Variants in CRLF2 observed in about 807,000 individuals in gnomAD.
CRLF2 encodes the protein cytokine receptor like factor 2.
A neutral mutation model predicts 38.7 loss-of-function variants in CRLF2; 41 were observed. That is an observed-to-expected ratio of 1.06 (90% CI 0.83 to 1.37). CRLF2 has a LOEUF of 1.37. CRLF2 is among the 40% of genes most tolerant of loss of function. The pLI is 0.00. For missense variants in CRLF2, 377 were observed against 322.2 expected, an observed-to-expected ratio of 1.17 and a Z score of -1.30; for synonymous variants, 140 against 128.8, an observed-to-expected ratio of 1.09 and a Z score of -0.59.
At chrX:1,196,136 C>T (rs1442224185) in intron 6 of CRLF2, among the ~76,000 whole-genome samples, 1 of 148,820 alleles carries the variant, frequency 6.7e-6, no homozygotes, top group Non-Finnish European at 1.5e-5. Flanking sequence ...CTGCCTCGGC[C>T]TCCTAAAGTG....
intron 1 of CRLF2, among the ~76,000 whole-genome samples, chrX:1,209,289 T>G (rs866828222): frequency 1.1e-3 from 113 of 106,840 alleles, no homozygotes; most frequent in Admixed American, 3.6e-3. Flanking sequence ...TTGTATTGCA[T>G]TGTATTGTAG....
intron 4 of CRLF2, 118 bp from the exon 5 acceptor site, chrX:1,198,842 G>C: frequency 9.7e-7 from 1 of 1,027,496 alleles, no homozygotes; most frequent in Non-Finnish European, 1.5e-6. Flanking sequence ...TCACAGTCTC[G>C]CTGACTTCAA....
intron 2 of CRLF2, among the ~76,000 whole-genome samples, chrX:1,208,184 G>A (rs1331274387): frequency 6.6e-6 from 1 of 152,098 alleles, no homozygotes; most frequent in South Asian, 2.1e-4. Flanking sequence ...TTCCCTCCCC[G>A]GCTGCCTAGC....
At chrX:1,195,966 AAT>A (rs1280369734) in intron 6 of CRLF2, among the ~76,000 whole-genome samples, 14 of 140,844 alleles carry the variant, frequency 9.9e-5, no homozygotes, top group African/African-American at 3.1e-4. Context: ...ATATAAATTA[AAT>A]ATATATTATA....
chrX:1,200,682 G>A lies in CRLF2; in HGVS notation c.483+1720C>T, dbSNP rs1301324059. ...GTATATATATGTGTATATAAGCTGT[G>A]TGTGTGTGTATATGTGTGTGTATAT... On this transcript the variant is annotated intron_variant, in intron 4 of 7. Coordinates refer to ENST00000400841, the MANE Select transcript of CRLF2 (RefSeq NM_022148.4). Among the ~76,000 whole-genome samples, 4 of 62,456 alleles carry A rather than the reference G, an allele frequency of 6.4e-5. 1 individual carries two copies. The East Asian group carries it at 3.0e-3, about 47-fold the overall frequency. 41.0% of individuals were successfully genotyped at this position (62,456 alleles called of 152,430 possible).
chrX:1,206,627 C>G, intron 2 of CRLF2, 28 bp from the exon 3 acceptor site: 1 of 1,600,012 alleles, frequency 6.2e-7, no homozygotes. Flanking sequence ...GACCATTCAG[C>G]AACAAAACAA....
chrX:1,202,820 C>G (rs1330172280), intron 3 of CRLF2, among the ~76,000 whole-genome samples: 9 of 152,102 alleles, frequency 5.9e-5, no homozygotes, highest in African/African-American at 1.9e-4. Flanking sequence ...AAAATCCCAA[C>G]TCCCCAGAAA....
chrX:1,197,506 A>G (rs2086505520), intron 5 of CRLF2, among the ~76,000 whole-genome samples: 1 of 151,710 alleles, frequency 6.6e-6, no homozygotes, highest in Non-Finnish European at 1.5e-5. Flanking sequence ...TGCTCCTTAA[A>G]TCATGCCCCC....
At chrX:1,200,951 T>A (rs2086595163) in intron 4 of CRLF2, among the ~76,000 whole-genome samples, 2 of 152,024 alleles carry the variant, frequency 1.3e-5, no homozygotes, top group South Asian at 4.1e-4. Context: ...GTGAGGTGAT[T>A]TCTTCATTAT....
In CRLF2 at chrX:1,190,545, G is replaced by A. The variant is rs2086358189; in HGVS notation, c.*352C>T. 6.8e-6 allele frequency: 2 copies of A among 295,120 alleles called. No homozygotes were observed. The highest frequency in any genetic ancestry group is 1.2e-5 in the Non-Finnish European group (2 of 160,124). 18.3% of individuals were successfully genotyped at this position (295,120 alleles called of 1,614,324 possible). Reference sequence around the variant, plus strand: ...ATCCAATGCTATGGGAATGGTACATGGACGGAACTGGGGACTCACAGAGTG... The same window carrying A: ...ATCCAATGCTATGGGAATGGTACATAGACGGAACTGGGGACTCACAGAGTG... On this transcript the variant is annotated 3_prime_UTR_variant, in exon 8 of 8. Coordinates refer to ENST00000400841, the MANE Select transcript of CRLF2 (RefSeq NM_022148.4).
At chrX:1,212,316 A>G (rs1163427236) in intron 1 of CRLF2, among the ~76,000 whole-genome samples, 1 of 150,462 alleles carries the variant, frequency 6.6e-6, no homozygotes, top group Non-Finnish European at 1.5e-5. Context: ...AGCAGTGGAT[A>G]TTCCGGGAGC....
At chrX:1,194,212 C>A (rs1213116258) in intron 6 of CRLF2, among the ~76,000 whole-genome samples, 10 of 151,990 alleles carry the variant, frequency 6.6e-5, no homozygotes, top group African/African-American at 2.2e-4. Context: ...ATCACTTGAA[C>A]CTGGGAGGCG....
At chrX:1,208,229 G>A (rs1489801537) in intron 2 of CRLF2, among the ~76,000 whole-genome samples, 1 of 152,036 alleles carries the variant, frequency 6.6e-6, no homozygotes, top group Admixed American at 6.6e-5. Flanking sequence ...AGCTCTGGGT[G>A]AACAAAACTC....
chrX:1,192,816 C>T (rs1386807658), intron 7 of CRLF2, among the ~76,000 whole-genome samples: 4 of 135,408 alleles, frequency 3.0e-5, no homozygotes, highest in African/African-American at 8.3e-5. Flanking sequence ...CCCTTCCTTC[C>T]TTCTTTTTTT....
Position 1,197,013 on chromosome X carries a change from G to C in CRLF2, c.647-113C>G. 6.2e-6 allele frequency: 5 copies of C among 807,996 alleles called. No homozygotes were observed. The South Asian group carries it at 1.6e-4, about 26-fold the overall frequency. The allele number at this position is 807,996 out of a possible 1,614,324, so 50.1% of individuals were successfully genotyped here. A position where few individuals can be genotyped will look rare whatever the true frequency, so the allele number is the denominator to read the frequency against. ...CAGTCTCCCTCATTTTTTGGTGTTC[G>C]TTTTTTTTTCTTGGTTCTCGTTGTT... On this transcript the variant is annotated intron_variant, in intron 5 of 7. Coordinates refer to ENST00000400841, the MANE Select transcript of CRLF2 (RefSeq NM_022148.4).
At chrX:1,192,190 G>C (rs1319754904) in intron 7 of CRLF2, among the ~76,000 whole-genome samples, 1 of 123,856 alleles carries the variant, frequency 8.1e-6, no homozygotes, top group Non-Finnish European at 1.6e-5. Flanking sequence ...GGGCGACAGA[G>C]CGAGACTCCG....
intron 1 of CRLF2, among the ~76,000 whole-genome samples, chrX:1,211,942 T>C (rs2086810485): frequency 7.1e-6 from 1 of 141,354 alleles, no homozygotes; most frequent in Non-Finnish European, 1.6e-5. Context: ...GATGGGTGGA[T>C]GGATGGATGG....
At chrX:1,202,064 G>A (rs1315635859) in intron 4 of CRLF2, among the ~76,000 whole-genome samples, 6 of 152,048 alleles carry the variant, frequency 3.9e-5, no homozygotes, top group Non-Finnish European at 7.4e-5. Context: ...ATAGATGATA[G>A]ATTGAAAGAG....
At chrX:1,209,543 G>A (rs1249242198) in intron 1 of CRLF2, among the ~76,000 whole-genome samples, 1 of 151,396 alleles carries the variant, frequency 6.6e-6, no homozygotes, top group Non-Finnish European at 1.5e-5. Flanking sequence ...GTGTTAGCCA[G>A]GATGGTCTCG....
Sources: allele counts gnomAD v4.1 joint callset (sites outside exome capture counted in the v4.1 genomes callset), GRCh38; gene constraint gnomAD v4.1.1; transcripts MANE v1.5; gene names NCBI Gene and HGNC (gene_info 2026-07-23, HGNC 2026-07-21).